Variants in UBE2G1 observed in about 807,000 individuals in gnomAD.
UBE2G1 encodes the protein ubiquitin-conjugating enzyme E2 G1.
UBE2G1 carries 5 observed loss-of-function variants against 22.7 expected under a neutral mutation model. That is an observed-to-expected ratio of 0.22 (90% confidence interval 0.12 to 0.46). The LOEUF is 0.46. Among genes scored for constraint, UBE2G1 ranks in the 20% least tolerant of loss-of-function variants. The pLI, the probability that UBE2G1 is intolerant of heterozygous loss-of-function variation, is 0.99. For synonymous variants in UBE2G1, 74 were observed against 67.5 expected (o/e 1.10, Z -0.47); for missense variants, 88 against 203.9 (o/e 0.43, Z 3.46).
At chr17:4,289,543 A>G in intron 3 of UBE2G1, 135 bp from the exon 4 acceptor site, 1 of 986,690 alleles carries the variant, frequency 1.0e-6, no homozygotes, top group Non-Finnish European at 1.4e-6. Context: ...AATGTCCAAA[A>G]TGCAATGTGT....
chr17:4,344,903 G>A (rs8078393), intron 1 of UBE2G1, among the ~76,000 whole-genome samples: 126 of 152,034 alleles, frequency 8.3e-4, no homozygotes, highest in African/African-American at 2.9e-3. Context: ...GAGAGTTAAG[G>A]TATTAAAAAA....
Position 4,270,065 on chromosome 17 carries a change from T to A in UBE2G1, c.*2489A>T, listed in dbSNP as rs1422238192. 6.6e-6 allele frequency: 1 copy of A among 152,464 alleles called. No homozygotes were observed. The highest frequency in any genetic ancestry group is 1.5e-5 in the Non-Finnish European group (1 of 68,024). The allele number at this position is 152,464 out of a possible 1,614,324, so 9.4% of individuals were successfully genotyped here. ...AGGCCTGTTTCAGTATGTAACACAC[T>A]CAGGGCAGGTGGAAAAGCATGTGGA... On this transcript the variant is annotated 3_prime_UTR_variant, in exon 6 of 6. Coordinates refer to ENST00000396981, the MANE Select transcript of UBE2G1 (RefSeq NM_003342.5).
At chr17:4,299,691 C>T (rs559853741) in intron 2 of UBE2G1, among the ~76,000 whole-genome samples, 4 of 152,296 alleles carry the variant, frequency 2.6e-5, no homozygotes, top group African/African-American at 9.6e-5. Flanking sequence ...ACACAATTTT[C>T]ACTCTATCTG....
chr17:4,325,191 A>G (rs1335488704), intron 1 of UBE2G1, among the ~76,000 whole-genome samples: 1 of 152,216 alleles, frequency 6.6e-6, no homozygotes, highest in African/African-American at 2.4e-5. Context: ...ATTCTGTATG[A>G]TACTATAATG....
intron 1 of UBE2G1, among the ~76,000 whole-genome samples, chr17:4,355,193 G>A (rs532132673): frequency 1.1e-4 from 16 of 151,526 alleles, no homozygotes; most frequent in Non-Finnish European, 2.2e-4. Context: ...GTAGAAATGG[G>A]GTTTCACCAT....
intron 5 of UBE2G1, 72 bp from the exon 6 acceptor site, chr17:4,272,588 T>A (rs777356784): frequency 1.1e-5 from 2 of 186,536 alleles, no homozygotes; most frequent in Non-Finnish European, 2.3e-5. Flanking sequence ...GTAGGTTTTA[T>A]CCATATTAGA....
At chr17:4,307,582 G>C (rs533197714) in intron 1 of UBE2G1, among the ~76,000 whole-genome samples, 1 of 152,266 alleles carries the variant, frequency 6.6e-6, no homozygotes, top group South Asian at 2.1e-4. Context: ...ACTAACATTT[G>C]TACACCTATT....
In UBE2G1 at chr17:4,337,340, AAAAG is replaced by A. The variant is rs1199631959; in HGVS notation, c.46+28927_46+28930del. 2.5e-4 allele frequency among the ~76,000 whole-genome samples: 38 copies of A among 150,574 alleles called. No homozygotes were observed. The East Asian group carries it at 3.1e-3, about 12-fold the overall frequency. On this transcript the variant is annotated intron_variant, in intron 1 of 5. Transcript: ENST00000396981. The stretch of plus-strand genomic sequence containing the variant: ...TGTGTAAAAAAAAAAAAAAGAAAAG[AAAAG>A]AAAGAAAGAAAGAAAAGGAAAAAGA...
chr17:4,284,135 C>T (rs1567514711), intron 4 of UBE2G1, among the ~76,000 whole-genome samples: 4 of 136,818 alleles, frequency 2.9e-5, no homozygotes, highest in Admixed American at 8.2e-5. Flanking sequence ...CCAGCCTGAG[C>T]GACAGAGCGA....
intron 2 of UBE2G1, among the ~76,000 whole-genome samples, chr17:4,300,548 A>G (rs1969165268): frequency 6.6e-6 from 1 of 152,084 alleles, no homozygotes; most frequent in Admixed American, 6.6e-5. Flanking sequence ...GTCTCCAAAA[A>G]TAATAATAAT....
chr17:4,300,366 A>G (rs1322613588), intron 2 of UBE2G1, among the ~76,000 whole-genome samples: 4 of 151,498 alleles, frequency 2.6e-5, no homozygotes, highest in African/African-American at 9.7e-5. Context: ...AATATGGTGA[A>G]ACGCCGTCTC....
chr17:4,293,160 T>C (rs1246021117), intron 3 of UBE2G1, among the ~76,000 whole-genome samples: 1 of 152,094 alleles, frequency 6.6e-6, no homozygotes, highest in Non-Finnish European at 1.5e-5. Context: ...CCTCCAGCAG[T>C]AGGGAACCAC....
At chr17:4,364,710 G>T (rs544883521) in intron 1 of UBE2G1, among the ~76,000 whole-genome samples, 2 of 152,096 alleles carry the variant, frequency 1.3e-5, no homozygotes, top group African/African-American at 4.8e-5. Flanking sequence ...CTCCTGAGTA[G>T]CTGGGATTAC....
intron 5 of UBE2G1, 64 bp downstream of exon 5, chr17:4,282,734 A>G (rs1968910031): frequency 5.5e-6 from 6 of 1,092,378 alleles, no homozygotes; most frequent in Non-Finnish European, 7.9e-6. Flanking sequence ...CAAATCACAC[A>G]ATTTCCAAAA....
At position 4,272,294 on chromosome 17, in the gene UBE2G1, T is replaced by G. The variant is rs1483375336; in HGVS notation, c.*260A>C. The stretch of plus-strand genomic sequence containing the variant: ...ATTATCCGGATCATGTTGTGCTATG[T>G]ACAGGTCTTTACAATTCTTCCTGAA... On this transcript the variant is annotated 3_prime_UTR_variant, in exon 6 of 6. Coordinates refer to ENST00000396981, the MANE Select transcript of UBE2G1 (RefSeq NM_003342.5). The G allele has an allele frequency of 6.4e-6, 1 of 156,464 alleles. No homozygotes were observed. The highest frequency in any genetic ancestry group is 1.4e-5 in the Non-Finnish European group (1 of 70,512). The allele number at this position is 156,464 out of a possible 1,614,324, so 9.7% of individuals were successfully genotyped here. A position where few individuals can be genotyped will look rare whatever the true frequency, so the allele number is the denominator to read the frequency against.
intron 2 of UBE2G1, among the ~76,000 whole-genome samples, chr17:4,306,027 G>C (rs928620337): frequency 8.5e-5 from 13 of 152,122 alleles, no homozygotes; most frequent in African/African-American, 3.1e-4. Context: ...TTAAGCCATT[G>C]GTTTAACAAT....
At chr17:4,360,398 T>C (rs1969953474) in intron 1 of UBE2G1, among the ~76,000 whole-genome samples, 1 of 152,044 alleles carries the variant, frequency 6.6e-6, no homozygotes, top group African/African-American at 2.4e-5. Flanking sequence ...TGTACTGAAG[T>C]ACCCAAGACC....
At chr17:4,311,971 G>T (rs1210933944) in intron 1 of UBE2G1, among the ~76,000 whole-genome samples, 2 of 152,250 alleles carry the variant, frequency 1.3e-5, no homozygotes, top group African/African-American at 4.8e-5. Flanking sequence ...AATCTACTGG[G>T]CACGGTGGCT....
chr17:4,353,933 T>C (rs972206031), intron 1 of UBE2G1, among the ~76,000 whole-genome samples: 1 of 150,774 alleles, frequency 6.6e-6, no homozygotes, highest in African/African-American at 2.4e-5. Context: ...TTCTCCTGCC[T>C]TGGCCTCCCA....
Sources: allele counts gnomAD v4.1 joint callset (sites outside exome capture counted in the v4.1 genomes callset), GRCh38; gene constraint gnomAD v4.1.1; transcripts MANE v1.5; gene names NCBI Gene and HGNC (gene_info 2026-07-23, HGNC 2026-07-21).